FLG: variants seen among roughly 807,000 people sequenced by gnomAD.
FLG encodes the protein filaggrin.
FLG carries 6 observed loss-of-function variants against 3.8 expected under a neutral mutation model. That is an observed-to-expected ratio of 1.60 (90% CI 0.87 to 3.15). FLG has a LOEUF of 3.15. Among genes scored for constraint, FLG ranks in the 30% most tolerant of loss-of-function variants. The pLI is 0.00. For synonymous variants in FLG, 2,551 were observed against 1,931.6 expected (o/e 1.32, Z -8.41); for missense variants, 7,595 against 5,050.9 (o/e 1.50, Z -15.27).
rs1318021944 is a variant in FLG at position 152,312,591 on chromosome 1, A to C, written c.2295T>G (p.His765Gln). The change falls in exon 3 of 3, where the codon CAT (histidine) becomes CAG (glutamine). Residue 765 changes from histidine to glutamine, a missense_variant. By Grantham distance (24) the His-to-Gln change is conservative (BLOSUM62 0). Coordinates refer to ENST00000368799, the MANE Select transcript of FLG (RefSeq NM_002016.2). The stretch of plus-strand genomic sequence containing the variant: ...TCTGCTGATGGTGACCAGCCTGTCC[A>C]TGGCCTGACACTGACTGTGTGTCTG... ...EDSDTQSVSGHGQAGHHQQSH... is the reference protein window; with the variant it reads ...EDSDTQSVSGQGQAGHHQQSH... 6.2e-7 allele frequency: 1 copy of C among 1,613,302 alleles called. No individual in the cohort carries two copies. The highest frequency in any genetic ancestry group is 8.5e-7 in the Non-Finnish European group (1 of 1,179,840).
rs2101645784 is a variant in FLG at position 152,309,813 on chromosome 1, G to T, written c.5073C>A (p.Ser1691Arg). 6.2e-7 allele frequency: 1 copy of T among 1,614,090 alleles called. No individual in the cohort carries two copies. Among genetic ancestry groups the T allele is most frequent in the Non-Finnish European group, 8.5e-7 (1 of 1,180,024 alleles). ...HGSRHQQSAD[S>R]STDSGTGRRQ... Reference sequence around the variant, plus strand: ...TGCGCCCAGTGCCTGAGTCTGTGGAGCTGTCTGCTGACTGCTGGTGGCGGG... The same window carrying T: ...TGCGCCCAGTGCCTGAGTCTGTGGATCTGTCTGCTGACTGCTGGTGGCGGG... The change falls in exon 3 of 3, where the codon AGC (serine) becomes AGA (arginine). Residue 1691 changes from serine to arginine, a missense_variant. Physicochemically the swap from Ser to Arg is moderately radical, Grantham distance 110. Coordinates refer to ENST00000368799, the MANE Select transcript of FLG (RefSeq NM_002016.2).
In FLG at chr1:152,306,145, T is replaced by C; in HGVS notation, c.8741A>G (p.Asn2914Ser). The change falls in exon 3 of 3, where the codon AAC (asparagine) becomes AGC (serine). Residue 2914 changes from asparagine to serine, a missense_variant. Asn to Ser is a conservative substitution (Grantham distance 46). Coordinates refer to ENST00000368799, the MANE Select transcript of FLG (RefSeq NM_002016.2). ...CTGCTCCTGAGCAGATCCATGATGG[T>C]TTCTGGAAGCAGACCCAGACCACCT... ...SERWSGSASRNHHGSAQEQLR... is the reference protein window; with the variant it reads ...SERWSGSASRSHHGSAQEQLR... 6.2e-7 allele frequency: 1 copy of C among 1,600,662 alleles called. No homozygotes were observed. The highest frequency in any genetic ancestry group is 1.1e-5 in the South Asian group (1 of 91,066).
In FLG at chr1:152,314,046, G is replaced by C; in HGVS notation, c.840C>G (p.Ser280Arg). The C allele has an allele frequency of 1.2e-6, 2 of 1,614,148 alleles. No individual in the cohort carries two copies. Among genetic ancestry groups the C allele is most frequent in the Non-Finnish European group, 1.7e-6 (2 of 1,180,038 alleles). ...QVNRSRHENT[S>R]QVPLQESRTR... ...TCCTGGACTCCTGCAATGGTACCTGGCTTGTATTTTCATGTCTTGACCTGT... is the reference window on the plus strand; with the variant it reads ...TCCTGGACTCCTGCAATGGTACCTGCCTTGTATTTTCATGTCTTGACCTGT... The change falls in exon 3 of 3, where the codon AGC becomes AGG. Residue 280 changes from serine to arginine, a missense_variant. Physicochemically the swap from Ser to Arg is moderately radical, Grantham distance 110. Transcript: ENST00000368799.
chr1:152,314,117 A>C lies in FLG; in HGVS notation c.769T>G (p.Tyr257Asp), dbSNP rs142607263. 3.7e-4 allele frequency: 597 copies of C among 1,613,954 alleles called. 8 individuals are homozygous for C. The African/African-American group carries it at 5.7e-3, about 15-fold the overall frequency. Residue 257 changes from tyrosine to aspartate, a missense_variant, in exon 3 of 3, where the codon TAT (tyrosine) becomes GAT (aspartate). Physicochemically the swap from Tyr to Asp is radical, Grantham distance 160 (BLOSUM62 -3). Coordinates refer to ENST00000368799, the MANE Select transcript of FLG (RefSeq NM_002016.2). Reference sequence around the variant, plus strand: ...CCATCAGATGACCTTGATCTTTCATATATTTTGTTTTCTTCTAATAGACTA... The same window carrying C: ...CCATCAGATGACCTTGATCTTTCATCTATTTTGTTTTCTTCTAATAGACTA... ...TDSLLEENKIYERSRSSDGKS... is the reference protein window; with the variant it reads ...TDSLLEENKIDERSRSSDGKS...
Position 152,310,187 on chromosome 1 carries a change from G to C in FLG, c.4699C>G (p.Arg1567Gly). Residue 1567 changes from arginine to glycine, a missense_variant, in exon 3 of 3, where the codon CGG (arginine) becomes GGG (glycine). Physicochemically the swap from Arg to Gly is moderately radical, Grantham distance 125 (BLOSUM62 -2). Transcript: ENST00000368799. ...SGSRHHEPST[R>G]AGSSRHSQVG... is the part of the protein sequence containing the mutation. ...TGTGAGTGTCTAGAGCTGCCGGCCC[G>C]AGTGGAAGGTTCATGGTGACGTGAC... 6.2e-7 allele frequency: 1 copy of C among 1,613,762 alleles called. No individual in the cohort carries two copies. Among genetic ancestry groups the C allele is most frequent in the Middle Eastern group, 1.6e-4 (1 of 6,062 alleles).
At chr1:152,315,595 AT>A in intron 1 of FLG, 118 bp from the exon 2 acceptor site, 1 of 711,696 alleles carries the variant, frequency 1.4e-6, no homozygotes, top group Non-Finnish European at 2.2e-6. Flanking sequence ...ATCTTTAAGA[AT>A]GGAAGATGGA....
Position 152,314,646 on chromosome 1 carries a change from C to G in FLG, c.240G>C (p.Lys80Asn), listed in dbSNP as rs763670992. The change falls in exon 3 of 3, where the codon AAG (lysine) becomes AAC (asparagine). Residue 80 changes from lysine to asparagine, a missense_variant. Physicochemically the swap from Lys to Asn is moderately conservative, Grantham distance 94. Coordinates refer to ENST00000368799, the MANE Select transcript of FLG (RefSeq NM_002016.2). ...TAGACTCATAATATGCTTGAGCCAA[C>G]TTGAATACCATCAGAAGAAACTCAG... The part of the protein sequence containing the change: ...DFTEFLLMVF[K>N]LAQAYYESTR... 4 of 1,614,058 alleles carry G rather than the reference C, an allele frequency of 2.5e-6. No homozygotes were observed. In the South Asian group the frequency reaches 4.4e-5, roughly 18 times the overall value.
rs746879397 is a variant in FLG at position 152,305,461 on chromosome 1, T to A, written c.9425A>T (p.His3142Leu). Residue 3142 changes from histidine (H) to leucine (L), a missense_variant, in exon 3 of 3, where the codon CAC becomes CTC. By Grantham distance (99) the His-to-Leu change is moderately conservative (BLOSUM62 -3). Transcript: ENST00000368799. ...ATCAGACCTTCCCTGGGATGTGGTGTGGCTGTGATGGGACCCTGAGTGTCC... is the reference window on the plus strand; with the variant it reads ...ATCAGACCTTCCCTGGGATGTGGTGAGGCTGTGATGGGACCCTGAGTGTCC... ...SSGHSGSHHS[H>L]TTSQGRSDAS... 1.1e-5 allele frequency: 18 copies of A among 1,590,026 alleles called. No individual in the cohort carries two copies. The South Asian group carries it at 2.0e-4, about 18-fold the overall frequency.
At position 152,314,248 on chromosome 1, in the gene FLG, C is replaced by G. The variant is rs907401722; in HGVS notation, c.638G>C (p.Gly213Ala). Residue 213 changes from glycine to alanine, a missense_variant, in exon 3 of 3, where the codon GGA becomes GCA. Gly to Ala is a moderately conservative substitution (Grantham distance 60). Transcript: ENST00000368799. ...TCCTGTATTTTCATAATCATATACT[C>G]CTTCTTCATTGTCTTCTTTCTCTTC... Reference protein sequence around the residue: ...RLEEKEDNEEGVYDYENTGRM... With the variant: ...RLEEKEDNEEAVYDYENTGRM... 8.1e-6 allele frequency: 13 copies of G among 1,613,266 alleles called. No homozygotes were observed. Among genetic ancestry groups the G allele is most frequent in the Non-Finnish European group, 1.1e-5 (13 of 1,179,824 alleles).
Position 152,314,036 on chromosome 1 carries a change from A to C in FLG, c.850T>G (p.Leu284Val), listed in dbSNP as rs558180193. 4.3e-6 allele frequency: 7 copies of C among 1,614,010 alleles called. No homozygotes were observed. The highest frequency in any genetic ancestry group is 2.7e-5 in the African/African-American group (2 of 74,920). ...SRHENTSQVP[L>V]QESRTRKRRG... ...CGCTTTCTTGTCCTGGACTCCTGCA[A>C]TGGTACCTGGCTTGTATTTTCATGT... The change falls in exon 3 of 3, where the codon TTG becomes GTG. Residue 284 changes from leucine to valine, a missense_variant. By Grantham distance (32) the Leu-to-Val change is conservative. Coordinates refer to ENST00000368799, the MANE Select transcript of FLG (RefSeq NM_002016.2).
chr1:152,313,363 G>T lies in FLG; in HGVS notation c.1523C>A (p.Ala508Glu). ...EQARDSSRHS[A>E]SQEGQDTIRG... ...AATGGTGTCCTGACCCTCTTGGGAC[G>T]CTGAATGCCTGGAGCTGTCTCGTGC... Residue 508 changes from alanine (A) to glutamate (E), a missense_variant, in exon 3 of 3, where the codon GCG becomes GAG. Transcript: ENST00000368799. 2 of 1,613,174 alleles carry T rather than the reference G, an allele frequency of 1.2e-6. No individual in the cohort carries two copies. The highest frequency in any genetic ancestry group is 1.7e-6 in the Non-Finnish European group (2 of 1,179,762).
rs779294517 is a variant in FLG, at chr1:152,311,841, A to G, written c.3045T>C (p.Gly1015=). ...GTTCATGGGATGACGCAGCCTGTCC[A>G]CCAGAGGAAGTCTCTGCGTGAGGAG... The part of the protein sequence containing the change: ...SGTPHAETSS[G]GQAASSHEQA... Residue 1015 remains glycine (G), a synonymous_variant, in exon 3 of 3, where the codon GGT becomes GGC. Transcript: ENST00000368799. 3.1e-6 allele frequency: 5 copies of G among 1,613,830 alleles called. No individual in the cohort carries two copies. The African/African-American group carries it at 6.7e-5, about 22-fold the overall frequency.
In FLG at chr1:152,304,525, A is replaced by C. The variant is rs748893057; in HGVS notation, c.10361T>G (p.Val3454Gly). The C allele has an allele frequency of 6.2e-7, 1 of 1,612,050 alleles. No individual in the cohort carries two copies. The highest frequency in any genetic ancestry group is 2.2e-5 in the East Asian group (1 of 44,608). Residue 3454 changes from valine (V) to glycine (G), a missense_variant, in exon 3 of 3, where the codon GTA becomes GGA. Coordinates refer to ENST00000368799, the MANE Select transcript of FLG (RefSeq NM_002016.2). ...GRQGSHYEQSVDRSGHSGSHH... is the reference protein window; with the variant it reads ...GRQGSHYEQSGDRSGHSGSHH... ...GGACCCTGAGTGTCCAGACCTATCT[A>C]CCGATTGCTCGTAGTGGGATCCCTG...
At position 152,311,706 on chromosome 1, in the gene FLG, G is replaced by A. The variant is rs151171279; in HGVS notation, c.3180C>T (p.Asp1060=). ...PRRQASSAVR[D]SGHWGSSGSQ... is the part of the protein sequence containing the mutation. ...TACCACTGGACCCCCAGTGTCCACTGTCTCTGACTGCAGATGAAGCTTGTC... is the reference window on the plus strand; with the variant it reads ...TACCACTGGACCCCCAGTGTCCACTATCTCTGACTGCAGATGAAGCTTGTC... The change falls in exon 3 of 3, where the codon GAC becomes GAT. Residue 1060 remains aspartate (D), a synonymous_variant. Coordinates refer to ENST00000368799, the MANE Select transcript of FLG (RefSeq NM_002016.2). 17 of 1,614,020 alleles carry A rather than the reference G, an allele frequency of 1.1e-5. No individual in the cohort carries two copies. The African/African-American group carries it at 1.7e-4, about 16-fold the overall frequency.
rs1211131858 is a variant in FLG, at chr1:152,313,862, C to G, written c.1024G>C (p.Asp342His). 6 of 1,614,032 alleles carry G rather than the reference C, an allele frequency of 3.7e-6. No homozygotes were observed. Among genetic ancestry groups the G allele is most frequent in the East Asian group, 4.5e-5 (2 of 44,854 alleles). Residue 342 changes from aspartate (D) to histidine (H), a missense_variant, in exon 3 of 3, where the codon GAC (aspartate) becomes CAC (histidine). Coordinates refer to ENST00000368799, the MANE Select transcript of FLG (RefSeq NM_002016.2). ...GSRHPRSHDEDRASHGHSADS... is the reference protein window; with the variant it reads ...GSRHPRSHDEHRASHGHSADS... The stretch of plus-strand genomic sequence containing the variant: ...GCAGAGTGCCCATGACTGGCTCTGT[C>G]TTCATCATGGGACCTGGGGTGTCTG...
chr1:152,308,710 A>C lies in FLG; in HGVS notation c.6176T>G (p.Val2059Gly), dbSNP rs771427301. ...GHSEDSDTQSVSAQGKAGPHQ... is the reference protein window; with the variant it reads ...GHSEDSDTQSGSAQGKAGPHQ... ...GGGCCCAGCTTTTCCCTGTGCTGAC[A>C]CTGACTGTGTGTCTGAGTCTTCTGA... Residue 2059 changes from valine (V) to glycine (G), a missense_variant, in exon 3 of 3, where the codon GTG becomes GGG. Val to Gly is a moderately radical substitution (Grantham distance 109). Coordinates refer to ENST00000368799, the MANE Select transcript of FLG (RefSeq NM_002016.2). The C allele has an allele frequency of 6.2e-7, 1 of 1,613,852 alleles. No individual in the cohort carries two copies. Among genetic ancestry groups the C allele is most frequent in the Non-Finnish European group, 8.5e-7 (1 of 1,179,936 alleles).
chr1:152,314,082 T>C lies in FLG; in HGVS notation c.804A>G (p.Ser268=), dbSNP rs1162056646. ...ERSRSSDGKS[S]SQVNRSRHEN... ...CATGTCTTGACCTGTTCACTTGAGA[T>C]GATGATTTGCCATCAGATGACCTTG... is the stretch of plus-strand genomic sequence containing the variant. The change falls in exon 3 of 3, where the codon TCA becomes TCG. Residue 268 remains serine, a synonymous_variant. Transcript: ENST00000368799. 1.2e-6 allele frequency: 2 copies of C among 1,614,124 alleles called. No homozygotes were observed. The highest frequency in any genetic ancestry group is 1.1e-5 in the South Asian group (1 of 91,092).
Position 152,311,153 on chromosome 1 carries a change from C to T in FLG, c.3733G>A (p.Asp1245Asn). The T allele has an allele frequency of 1.2e-6, 2 of 1,613,846 alleles. No individual in the cohort carries two copies. The highest frequency in any genetic ancestry group is 1.7e-6 in the Non-Finnish European group (2 of 1,179,990). The stretch of plus-strand genomic sequence containing the variant: ...CCCACCTGTGAGTGTCTAGAGCTGT[C>T]AGCCCAAGAGGCAGCTTCATGGTGA... Reference protein sequence around the residue: ...SRHHEAASWADSSRHSQVGQE... With the variant: ...SRHHEAASWANSSRHSQVGQE... Residue 1245 changes from aspartate (D) to asparagine (N), a missense_variant, in exon 3 of 3, where the codon GAC becomes AAC. By Grantham distance (23) the Asp-to-Asn change is conservative (BLOSUM62 1). Coordinates refer to ENST00000368799, the MANE Select transcript of FLG (RefSeq NM_002016.2).
In FLG at chr1:152,304,428, G is replaced by C. The variant is rs1356712566; in HGVS notation, c.10458C>G (p.Ser3486Arg). 2 of 1,611,784 alleles carry C rather than the reference G, an allele frequency of 1.2e-6. No individual in the cohort carries two copies. The highest frequency in any genetic ancestry group is 8.5e-7 in the Non-Finnish European group (1 of 1,179,178). Residue 3486 changes from serine to arginine, a missense_variant, in exon 3 of 3, where the codon AGC becomes AGG. By Grantham distance (110) the Ser-to-Arg change is moderately radical. Coordinates refer to ENST00000368799, the MANE Select transcript of FLG (RefSeq NM_002016.2). Reference protein sequence around the residue: ...SRGQSGSRSASRQTRNDEQSG... With the variant: ...SRGQSGSRSARRQTRNDEQSG... ...ATTGTTCGTCATTACGAGTTTGTCT[G>C]CTGGCACTTCTGGATCCTGACTGCC...
Sources: allele counts gnomAD v4.1 joint callset, GRCh38; gene constraint gnomAD v4.1.1; transcripts MANE v1.5; gene names NCBI Gene and HGNC (gene_info 2026-07-23, HGNC 2026-07-21).